STRBP: variants seen among roughly 807,000 people sequenced by gnomAD.
STRBP encodes the protein spermatid perinuclear RNA-binding protein.
A neutral mutation model predicts 80.1 loss-of-function variants in STRBP; 13 were observed. That is an observed-to-expected ratio of 0.16 (90% CI 0.11 to 0.26). The LOEUF (loss-of-function observed/expected upper bound fraction) is 0.26. Among genes scored for constraint, STRBP ranks in the 10% least tolerant of loss-of-function variants. STRBP has a pLI of 1.00. For synonymous variants in STRBP, 284 were observed against 291.2 expected (o/e 0.98, Z 0.25); for missense variants, 485 against 815.2 (o/e 0.59, Z 4.93).
At chr9:123,234,200 CAAA>C (rs59309974) in intron 2 of STRBP, among the ~76,000 whole-genome samples, 9 of 72,270 alleles carry the variant, frequency 1.2e-4, no homozygotes, top group Admixed American at 4.6e-4. Context: ...GACGCCGTGT[CAAA>C]AAAAAAAAAA....
chr9:123,138,362 T>C (rs1211704633), intron 14 of STRBP, among the ~76,000 whole-genome samples: 7 of 152,228 alleles, frequency 4.6e-5, no homozygotes, highest in Admixed American at 4.6e-4. Context: ...AGCCATGACA[T>C]CATCTGTCCT....
In STRBP at chr9:123,147,779, T is replaced by C. The variant is rs754851896; in HGVS notation, c.1137A>G (p.Lys379=). ...PNKKMKRNLR[K]ILDSKAIDLM... ...TATAAGAATAAAGGTTTTACACACT[T>C]TTCCTTAAGTTTCGTTTCATCTTCT... is the stretch of plus-strand genomic sequence containing the variant. Residue 379 remains lysine (K), a splice_region_variant and synonymous_variant, in exon 12 of 19, where the codon AAA becomes AAG. Coordinates refer to ENST00000348403, the MANE Select transcript of STRBP (RefSeq NM_018387.5). 5.0e-6 allele frequency: 8 copies of C among 1,607,470 alleles called. No individual in the cohort carries two copies. The African/African-American group carries it at 1.1e-4, about 21-fold the overall frequency.
At chr9:123,164,634 A>C (rs980991932) in intron 6 of STRBP, among the ~76,000 whole-genome samples, 1 of 152,196 alleles carries the variant, frequency 6.6e-6, no homozygotes. Flanking sequence ...AACAGGAGTT[A>C]TATGTCTGGA....
Position 123,160,426 on chromosome 9 carries a change from G to A in STRBP, c.664C>T (p.Leu222Phe). The A allele has an allele frequency of 6.2e-7, 1 of 1,603,750 alleles. No individual in the cohort carries two copies. Among genetic ancestry groups the A allele is most frequent in the Middle Eastern group, 1.7e-4 (1 of 6,014 alleles). ...ANGLKSCVIV[L>F]RILRDLCNRV... Reference sequence around the variant, plus strand: ...TTGCACAAATCACGCAGAATGCGGAGGACAATTACACATGATTTTAATCCA... The same window carrying A: ...TTGCACAAATCACGCAGAATGCGGAAGACAATTACACATGATTTTAATCCA... Residue 222 changes from leucine to phenylalanine, a missense_variant, in exon 8 of 19, where the codon CTC (leucine) becomes TTC (phenylalanine). Physicochemically the swap from Leu to Phe is conservative, Grantham distance 22. Around this residue, in one of 3 missense-constraint regions of STRBP, gnomAD observed 377 missense variants for 616.1 expected, o/e 0.61. Transcript: ENST00000348403.
intron 16 of STRBP, among the ~76,000 whole-genome samples, chr9:123,135,508 C>G (rs778732363): frequency 1.4e-4 from 21 of 152,132 alleles, no homozygotes; most frequent in Admixed American, 3.9e-4. Flanking sequence ...TTCTAAATAC[C>G]TTGCTAAGAT....
intron 1 of STRBP, among the ~76,000 whole-genome samples, chr9:123,265,899 C>T (rs2041256131): frequency 6.6e-6 from 1 of 152,080 alleles, no homozygotes; most frequent in Admixed American, 6.6e-5. Flanking sequence ...TGTTAAGAGT[C>T]AGAAAGCTCC....
At chr9:123,146,775 GATA>G in intron 13 of STRBP, 77 bp downstream of exon 13, 1 of 1,216,224 alleles carries the variant, frequency 8.2e-7, no homozygotes. Flanking sequence ...TTTTAAAAAT[GATA>G]ATTTATTATA....
At chr9:123,188,123 T>C (rs560505959) in intron 2 of STRBP, among the ~76,000 whole-genome samples, 1 of 152,166 alleles carries the variant, frequency 6.6e-6, no homozygotes, top group African/African-American at 2.4e-5. Context: ...ATATATCATA[T>C]GTAGCCTTTT....
rs2035554162 is a variant in STRBP at position 123,110,874 on chromosome 9, G to A, written c.*85-1121C>T. 5.9e-6 allele frequency: 1 copy of A among 169,308 alleles called. No homozygotes were observed. Among genetic ancestry groups the A allele is most frequent in the Admixed American group, 6.5e-5 (1 of 15,278 alleles). The allele number at this position is 169,308 out of a possible 1,614,324, so 10.5% of individuals were successfully genotyped here. On this transcript the variant is annotated intron_variant and NMD_transcript_variant, in intron 3 of 3. Coordinates refer to the STRBP transcript ENST00000471564. The surrounding 1 kb of genome is among the most constrained non-coding windows in gnomAD (Gnocchi z 4.1). ...CCATGGTAGGTCCCATCCCTGAGAAGCTGCCACATGAAGTGAGCTAAGGGA... is the reference window on the plus strand; with the variant it reads ...CCATGGTAGGTCCCATCCCTGAGAAACTGCCACATGAAGTGAGCTAAGGGA...
intron 4 of STRBP, among the ~76,000 whole-genome samples, chr9:123,175,593 C>G (rs1378021293): frequency 6.6e-6 from 1 of 152,120 alleles, no homozygotes; most frequent in Non-Finnish European, 1.5e-5. Context: ...CAAGTGTAGG[C>G]AATTGTCTGA....
intron 1 of STRBP, among the ~76,000 whole-genome samples, chr9:123,239,483 C>A (rs372340112): frequency 9.2e-5 from 14 of 152,306 alleles, no homozygotes; most frequent in African/African-American, 3.1e-4. Flanking sequence ...AAAGGCCTGT[C>A]CCAATGACAA....
chr9:123,193,722 C>A (rs2039002450), intron 2 of STRBP, among the ~76,000 whole-genome samples: 1 of 151,964 alleles, frequency 6.6e-6, no homozygotes, highest in Non-Finnish European at 1.5e-5. Context: ...CCTTTTCATG[C>A]CCTCATTTCT....
At chr9:123,238,220 G>A (rs1200228563) in intron 1 of STRBP, among the ~76,000 whole-genome samples, 3 of 152,222 alleles carry the variant, frequency 2.0e-5, no homozygotes, top group Non-Finnish European at 2.9e-5. Context: ...GACCAAGACC[G>A]GAGGATCGCT....
At chr9:123,237,933 C>T (rs768786766) in intron 1 of STRBP, among the ~76,000 whole-genome samples, 1 of 152,208 alleles carries the variant, frequency 6.6e-6, no homozygotes, top group Non-Finnish European at 1.5e-5. Context: ...AGAATAGGCC[C>T]TAAAGTCAGA....
At chr9:123,186,079 C>T (rs935873800) in intron 2 of STRBP, among the ~76,000 whole-genome samples, 4 of 150,714 alleles carry the variant, frequency 2.7e-5, no homozygotes, top group South Asian at 2.1e-4. Context: ...TGGTGGCTCG[C>T]GCCTGTAATC....
chr9:123,138,645 CATT>C (rs2036461619), intron 14 of STRBP, among the ~76,000 whole-genome samples: 2 of 152,140 alleles, frequency 1.3e-5, no homozygotes, highest in South Asian at 2.1e-4. Context: ...CAAGATTTGA[CATT>C]ATTATGTTCA....
intron 2 of STRBP, among the ~76,000 whole-genome samples, chr9:123,219,990 C>G (rs913379655): frequency 6.6e-6 from 1 of 152,048 alleles, no homozygotes; most frequent in African/African-American, 2.4e-5. Context: ...AACAAATGAA[C>G]TTTCTGATAA....
intron 5 of STRBP, 99 bp from the exon 6 acceptor site, chr9:123,170,145 T>A (rs762671576): frequency 7.5e-6 from 9 of 1,193,556 alleles, no homozygotes; most frequent in African/African-American, 1.6e-5. Context: ...ATGTTACTAT[T>A]AATATTACTG....
intron 17 of STRBP, among the ~76,000 whole-genome samples, chr9:123,129,658 T>C (rs2036051568): frequency 6.6e-6 from 1 of 152,206 alleles, no homozygotes; most frequent in African/African-American, 2.4e-5. Context: ...TTGCATCATA[T>C]TGCATTGTGT....
Sources: allele counts gnomAD v4.1 joint callset (sites outside exome capture counted in the v4.1 genomes callset), GRCh38; gene constraint gnomAD v4.1.1; regional missense constraint gnomAD v4.1.1; non-coding constraint Gnocchi (gnomAD v3.1); transcripts MANE v1.5; gene names NCBI Gene and HGNC (gene_info 2026-07-23, HGNC 2026-07-21).